Variants in LYRM4 observed in about 807,000 individuals in gnomAD.
LYRM4 encodes LYR motif-containing protein 4.
A neutral mutation model predicts 11.7 loss-of-function variants in LYRM4; 9 were observed. The observed-to-expected ratio is 0.77, with a 90% CI of 0.46 to 1.34. The LOEUF (loss-of-function observed/expected upper bound fraction) is 1.34, where lower values mean the gene tolerates loss of function less well. LYRM4 is among the 40% of genes most tolerant of loss of function. LYRM4 has a pLI of 0.00. For missense variants in LYRM4, 133 were observed against 112.5 expected (o/e 1.18, Z -0.82); for synonymous variants, 42 against 40.4 (o/e 1.04, Z -0.15).
intron 2 of LYRM4, among the ~76,000 whole-genome samples, chr6:5,189,197 C>T (rs527986831): frequency 6.6e-6 from 1 of 152,346 alleles, no homozygotes; most frequent in East Asian, 1.9e-4. Context: ...ACACTATTAT[C>T]GTATCTCAAT....
At chr6:5,221,890 G>C (rs1053558680) in intron 1 of LYRM4, among the ~76,000 whole-genome samples, 1 of 152,114 alleles carries the variant, frequency 6.6e-6, no homozygotes, top group African/African-American at 2.4e-5. Flanking sequence ...CATCCCTTCT[G>C]AATCACCTCT....
At chr6:5,210,589 G>A (rs1188244050) in intron 2 of LYRM4, among the ~76,000 whole-genome samples, 1 of 152,134 alleles carries the variant, frequency 6.6e-6, no homozygotes, top group African/African-American at 2.4e-5. Context: ...GCAGTGTTAA[G>A]TATATTCATA....
At chr6:5,210,818 T>G (rs1034092714) in intron 2 of LYRM4, among the ~76,000 whole-genome samples, 4 of 152,242 alleles carry the variant, frequency 2.6e-5, no homozygotes, top group Non-Finnish European at 2.9e-5. Context: ...TCAAGGTTCA[T>G]CCATATTCTA....
chr6:5,231,926 G>C (rs1355697621), intron 1 of LYRM4, among the ~76,000 whole-genome samples: 2 of 152,182 alleles, frequency 1.3e-5, no homozygotes, highest in Non-Finnish European at 2.9e-5. Flanking sequence ...CATCCAGTAG[G>C]TGTTTGTGTG....
chr6:5,057,757 A>C, the LYRM4 span, among the ~76,000 whole-genome samples: 1 of 151,560 alleles, frequency 6.6e-6, no homozygotes, highest in African/African-American at 2.4e-5. Context: ...TCCTAGTGAA[A>C]CGCTCACTTT....
chr6:5,149,325 G>A (rs564629067), intron 2 of LYRM4, among the ~76,000 whole-genome samples: 10 of 152,242 alleles, frequency 6.6e-5, no homozygotes, highest in African/African-American at 2.4e-4. Context: ...ACCCAGGATC[G>A]GTATTTTATG....
At chr6:5,198,487 C>A (rs1352961335) in intron 2 of LYRM4, among the ~76,000 whole-genome samples, 1 of 152,154 alleles carries the variant, frequency 6.6e-6, no homozygotes, top group Non-Finnish European at 1.5e-5. Context: ...CTATGAGGTA[C>A]CACAAAAGGC....
the LYRM4 span, chr6:5,085,849 G>T: frequency 6.5e-7 from 1 of 1,529,802 alleles, no homozygotes; most frequent in Non-Finnish European, 8.7e-7. Context: ...GCTCGGCCCG[G>T]GCGGCTGCTG....
chr6:5,110,451 G>T (rs1159903029), intron 2 of LYRM4, among the ~76,000 whole-genome samples: 1 of 152,154 alleles, frequency 6.6e-6, no homozygotes, highest in African/African-American at 2.4e-5. Flanking sequence ...AAGGACCGCC[G>T]CGCCGTCCAT....
chr6:5,049,591 C>T, the LYRM4 span, among the ~76,000 whole-genome samples: 1 of 152,106 alleles, frequency 6.6e-6, no homozygotes, highest in Non-Finnish European at 1.5e-5. Flanking sequence ...AACATAATAA[C>T]AGCTCATTAT....
chr6:5,113,328 G>A (rs1198600682), intron 2 of LYRM4: 2 of 449,742 alleles, frequency 4.4e-6, no homozygotes, highest in East Asian at 7.4e-5. Flanking sequence ...AGGAGGCTGA[G>A]GCAGAAGAAT....
intron 1 of LYRM4, among the ~76,000 whole-genome samples, chr6:5,241,963 C>T (rs1040799366): frequency 2.6e-5 from 4 of 152,116 alleles, no homozygotes; most frequent in African/African-American, 9.7e-5. Context: ...AAATAAGAAA[C>T]TCCCAAACAC....
chr6:5,199,299 C>T (rs1404697701), intron 2 of LYRM4, among the ~76,000 whole-genome samples: 6 of 152,060 alleles, frequency 3.9e-5, no homozygotes, highest in African/African-American at 1.4e-4. Context: ...AGAGGCCAGT[C>T]GTGAATATAA....
chr6:5,093,259 T>G, the LYRM4 span, among the ~76,000 whole-genome samples: 1 of 152,228 alleles, frequency 6.6e-6, no homozygotes, highest in Non-Finnish European at 1.5e-5. Context: ...TTGTTTGTTT[T>G]TTTGTTTTTT....
Position 5,130,120 on chromosome 6 carries a change from G to A in LYRM4, c.208-20629C>T, listed in dbSNP as rs572002225. Among the ~76,000 whole-genome samples the A allele has an allele frequency of 4.5e-4, 68 of 152,366 alleles. No individual in the cohort carries two copies. The South Asian group carries it at 7.2e-3, about 16-fold the overall frequency. On this transcript the variant is annotated intron_variant, in intron 2 of 2. Coordinates refer to ENST00000330636, the MANE Select transcript of LYRM4 (RefSeq NM_020408.6). ...TTCTGGAACTGTGGAGCCCTGAATA[G>A]ACTATGCTTCCCCTGTTCCCACCCC...
At chr6:5,111,736 A>G (rs1345087669) in intron 2 of LYRM4, among the ~76,000 whole-genome samples, 1 of 152,182 alleles carries the variant, frequency 6.6e-6, no homozygotes, top group African/African-American at 2.4e-5. Flanking sequence ...GGCACCCTGG[A>G]AAGGCCCTGG....
chr6:5,250,391 C>T (rs892943690), intron 1 of LYRM4, among the ~76,000 whole-genome samples: 1 of 152,130 alleles, frequency 6.6e-6, no homozygotes, highest in Non-Finnish European at 1.5e-5. Flanking sequence ...TTATTTTTCA[C>T]CCCAAAACCT....
the LYRM4 span, among the ~76,000 whole-genome samples, chr6:5,083,394 G>A: frequency 6.6e-6 from 1 of 152,222 alleles, no homozygotes; most frequent in African/African-American, 2.4e-5. Context: ...TCTTGGAGAT[G>A]CCATGCCCAA....
At chr6:5,090,355 A>G in the LYRM4 span, among the ~76,000 whole-genome samples, 1 of 152,170 alleles carries the variant, frequency 6.6e-6, no homozygotes, top group Non-Finnish European at 1.5e-5. The surrounding 1 kb of genome is among the most constrained non-coding windows in gnomAD (Gnocchi z 4.8). Context: ...GTATGAAACA[A>G]TATTCTCCCC....
Sources: allele counts gnomAD v4.1 joint callset (sites outside exome capture counted in the v4.1 genomes callset), GRCh38; gene constraint gnomAD v4.1.1; non-coding constraint Gnocchi (gnomAD v3.1); transcripts MANE v1.5; gene names NCBI Gene and HGNC (gene_info 2026-07-23, HGNC 2026-07-21).